The following KLHL32 variants were observed in gnomAD, a reference collection of about 807,000 sequenced individuals.
KLHL32 encodes kelch-like protein 32.
A neutral mutation model predicts 64.8 loss-of-function variants in KLHL32; 35 were observed. The observed-to-expected ratio is 0.54, with a 90% CI of 0.41 to 0.72. The LOEUF is 0.72. KLHL32 is among the 30% of genes least tolerant of loss of function. The probability of loss-of-function intolerance (pLI) is 0.00; values close to 1 mark genes in which losing one functional copy is unlikely to be tolerated. For synonymous variants in KLHL32, 259 were observed against 281.0 expected (o/e 0.92, Z 0.78); for missense variants, 589 against 768.5 (o/e 0.77, Z 2.76).
chr6:96,909,885 C>A, the KLHL32 span, among the ~76,000 whole-genome samples: 5 of 152,148 alleles, frequency 3.3e-5, no homozygotes, highest in Admixed American at 3.3e-4. Flanking sequence ...TGTAAAAAAT[C>A]TTAAGAAGAC....
At chr6:96,900,959 T>C in the KLHL32 span, among the ~76,000 whole-genome samples, 2 of 152,188 alleles carry the variant, frequency 1.3e-5, no homozygotes, top group South Asian at 4.1e-4. Flanking sequence ...GCCAATTTCA[T>C]AGTGATGCAG....
intron 6 of KLHL32, among the ~76,000 whole-genome samples, chr6:97,089,777 C>T (rs1282971658): frequency 1.2e-5 from 1 of 80,090 alleles, no homozygotes; most frequent in East Asian, 4.3e-4. Flanking sequence ...GAAACTCCAG[C>T]TAAAAAAAAA....
rs1582973809 is a variant in KLHL32 at position 97,085,153 on chromosome 6, C to G, written c.439C>G (p.Leu147Val). 2.5e-6 allele frequency: 4 copies of G among 1,613,714 alleles called. No homozygotes were observed. Among genetic ancestry groups the G allele is most frequent in the East Asian group, 2.2e-5 (1 of 44,862 alleles). Residue 147 changes from leucine to valine, a missense_variant, in exon 6 of 11, where the codon CTG becomes GTG. Physicochemically the swap from Leu to Val is conservative, Grantham distance 32. Coordinates refer to ENST00000369261, the MANE Select transcript of KLHL32 (RefSeq NM_052904.4). ...ATTAAATAGCTTTAATTACTTGGAT[C>G]TGTACAGACTTGCTGACCTCTTTAA... ...QELNSFNYLD[L>V]YRLADLFNLT...
chr6:97,135,301 T>TC (rs1327965002), intron 10 of KLHL32, among the ~76,000 whole-genome samples: 3,850 of 91,032 alleles, frequency 0.042, 84 homozygotes, highest in Non-Finnish European at 0.065. Context: ...ATTTGTTAAT[T>TC]TTTTTTTTTT....
chr6:97,027,952 C>G (rs1245928588), intron 3 of KLHL32, among the ~76,000 whole-genome samples: 1 of 152,126 alleles, frequency 6.6e-6, no homozygotes, highest in Non-Finnish European at 1.5e-5. Flanking sequence ...TCTCCTATGA[C>G]CAAGGGGAGA....
chr6:96,908,081 T>G, the KLHL32 span, among the ~76,000 whole-genome samples: 1 of 152,192 alleles, frequency 6.6e-6, no homozygotes, highest in Non-Finnish European at 1.5e-5. Context: ...TGTACTGGTG[T>G]TGTGCCTTCT....
At chr6:96,954,669 T>G in intron 1 of KLHL32, among the ~76,000 whole-genome samples, 1 of 152,152 alleles carries the variant, frequency 6.6e-6, no homozygotes, top group East Asian at 1.9e-4. Flanking sequence ...TCTTTGTTTT[T>G]CAGATGGCAC....
chr6:96,911,752 A>C, the KLHL32 span, among the ~76,000 whole-genome samples: 1 of 149,518 alleles, frequency 6.7e-6, no homozygotes, highest in East Asian at 2.0e-4. Context: ...ATTACTCAGC[A>C]GTATTTGACA....
intron 7 of KLHL32, among the ~76,000 whole-genome samples, chr6:97,121,363 C>T (rs1015020231): frequency 1.3e-5 from 2 of 152,166 alleles, no homozygotes; most frequent in Non-Finnish European, 2.9e-5. Flanking sequence ...AAATGATACA[C>T]AGAAGCAGAG....
intron 1 of KLHL32, among the ~76,000 whole-genome samples, chr6:96,940,687 C>T (rs546935107): frequency 6.6e-6 from 1 of 152,300 alleles, no homozygotes; most frequent in South Asian, 2.1e-4. Context: ...AGCTGAGTTA[C>T]AGAAAACAGG....
chr6:97,064,170 C>T (rs1376353225), intron 4 of KLHL32, among the ~76,000 whole-genome samples: 1 of 152,180 alleles, frequency 6.6e-6, no homozygotes, highest in Non-Finnish European at 1.5e-5. Context: ...CACCTCTGGT[C>T]TTATATGGCA....
intron 4 of KLHL32, among the ~76,000 whole-genome samples, chr6:97,045,706 G>C (rs1785813422): frequency 6.6e-6 from 1 of 152,196 alleles, no homozygotes; most frequent in South Asian, 2.1e-4. Context: ...GAATGGCTAA[G>C]TTGATGTGTA....
chr6:97,108,927 C>A (rs900923656), intron 6 of KLHL32, among the ~76,000 whole-genome samples: 2 of 152,154 alleles, frequency 1.3e-5, no homozygotes, highest in South Asian at 4.1e-4. Context: ...TCTGATAAGG[C>A]AGCAATTTAC....
the KLHL32 span, among the ~76,000 whole-genome samples, chr6:96,899,234 A>G: frequency 6.6e-6 from 1 of 152,122 alleles, no homozygotes; most frequent in Admixed American, 6.6e-5. Flanking sequence ...ATTAACTGGG[A>G]AGTTATCCTG....
At chr6:96,940,357 GA>G (rs1358798195) in intron 1 of KLHL32, among the ~76,000 whole-genome samples, 10 of 152,170 alleles carry the variant, frequency 6.6e-5, no homozygotes, top group African/African-American at 2.4e-4. Context: ...GCAAAAAGGA[GA>G]AAAAAATAAG....
At chr6:97,007,374 T>C (rs1435897807) in intron 3 of KLHL32, among the ~76,000 whole-genome samples, 1 of 152,222 alleles carries the variant, frequency 6.6e-6, no homozygotes, top group Non-Finnish European at 1.5e-5. Context: ...TTTCATCTTT[T>C]CGCTCCTGTT....
At position 97,063,434 on chromosome 6, in the gene KLHL32, G is replaced by A. The variant is rs1789230019; in HGVS notation, c.313-1194G>A. ...AGAGGGGAGAATTGCAGGCAGAAGG[G>A]GTTGGGATCAAGCACACAAGTGGAC... On this transcript the variant is annotated intron_variant, in intron 4 of 10. Coordinates refer to ENST00000369261, the MANE Select transcript of KLHL32 (RefSeq NM_052904.4). 2.0e-5 allele frequency among the ~76,000 whole-genome samples: 3 copies of A among 152,176 alleles called. No individual in the cohort carries two copies. The South Asian group carries it at 6.2e-4, about 32-fold the overall frequency.
At chr6:97,120,315 A>G (rs1392371256) in intron 7 of KLHL32, among the ~76,000 whole-genome samples, 1 of 152,158 alleles carries the variant, frequency 6.6e-6, no homozygotes, top group East Asian at 1.9e-4. Context: ...CAAATGAGAA[A>G]CAGGTCTGTC....
intron 6 of KLHL32, among the ~76,000 whole-genome samples, chr6:97,085,626 G>GT (rs1186063125): frequency 6.6e-6 from 1 of 152,150 alleles, no homozygotes; most frequent in Admixed American, 6.5e-5. Context: ...GTCAAGGGAT[G>GT]TTTTTTTCCT....
Sources: allele counts gnomAD v4.1 joint callset (sites outside exome capture counted in the v4.1 genomes callset), GRCh38; gene constraint gnomAD v4.1.1; transcripts MANE v1.5; gene names NCBI Gene and HGNC (gene_info 2026-07-23, HGNC 2026-07-21).